PRKG1: variants seen among roughly 807,000 people sequenced by gnomAD.
PRKG1 encodes protein kinase cGMP-dependent 1, also known as cGMP-dependent protein kinase 1.
In PRKG1, 35 loss-of-function variants were observed where a neutral mutation model predicts 88.1. The observed-to-expected ratio is 0.40, with a 90% confidence interval of 0.30 to 0.53. The LOEUF is 0.53. PRKG1 is among the 20% of genes least tolerant of loss of function. The pLI is 0.59. For synonymous variants in PRKG1, 303 were observed against 292.5 expected (o/e 1.04, Z -0.37); for missense variants, 540 against 839.8 (o/e 0.64, Z 4.41).
rs779345501 is a variant in PRKG1 at position 51,074,784 on chromosome 10, C to A, written c.194C>A (p.Ala65Glu). Residue 65 changes from alanine to glutamate, a missense_variant, in exon 1 of 18, where the codon GCG becomes GAG. By Grantham distance (107) the Ala-to-Glu change is moderately radical (BLOSUM62 -1). Around this residue, in one of 5 missense-constraint regions of PRKG1, gnomAD observed 400 missense variants for 562.7 expected, o/e 0.71. Transcript: ENST00000373980. ...PATQQAQKQS[A>E]STLQGEPRTK... ...ACCCAGCAGGCGCAGAAGCAGAGCG[C>A]GAGCACCTTGCAGGGCGAGCCGCGC... 4.3e-6 allele frequency: 7 copies of A among 1,613,828 alleles called. No individual in the cohort carries two copies. In the Admixed American group the frequency reaches 1.2e-4, roughly 27 times the overall value.
chr10:51,266,672 T>C (rs184625105), intron 2 of PRKG1, among the ~76,000 whole-genome samples: 345 of 152,356 alleles, frequency 2.3e-3, no homozygotes, highest in Non-Finnish European at 2.2e-3. Flanking sequence ...ACGGGCTGTT[T>C]TTTATTAAAA....
At chr10:51,615,132 A>G (rs1038466211) in intron 3 of PRKG1, among the ~76,000 whole-genome samples, 1 of 151,042 alleles carries the variant, frequency 6.6e-6, no homozygotes, top group African/African-American at 2.4e-5. Flanking sequence ...TCCATCTTTG[A>G]ATATATTCAA....
chr10:51,348,798 C>T (rs1210143358), intron 2 of PRKG1, among the ~76,000 whole-genome samples: 2 of 152,176 alleles, frequency 1.3e-5, no homozygotes, highest in East Asian at 1.9e-4. Flanking sequence ...GTGAAGTGTA[C>T]TGCATCCATT....
At chr10:51,870,208 A>G (rs572477786) in intron 4 of PRKG1, among the ~76,000 whole-genome samples, 247 of 152,282 alleles carry the variant, frequency 1.6e-3, no homozygotes, top group African/African-American at 5.8e-3. Context: ...TACATTGTGC[A>G]TTGTTAGGAA....
intron 10 of PRKG1, among the ~76,000 whole-genome samples, chr10:52,269,312 G>C (rs933618405): frequency 6.6e-6 from 1 of 151,982 alleles, no homozygotes; most frequent in Non-Finnish European, 1.5e-5. Context: ...TTTATTTTGA[G>C]TTACTACTGA....
intron 1 of PRKG1, among the ~76,000 whole-genome samples, chr10:51,054,554 A>G (rs2660205): frequency 0.99 from 150,439 of 152,268 alleles, 74,323 homozygotes; most frequent in East Asian, 1. Context: ...TCCACATTAT[A>G]GTAATTGTTA....
chr10:51,117,858 A>G (rs1040897307), intron 1 of PRKG1, among the ~76,000 whole-genome samples: 4 of 152,214 alleles, frequency 2.6e-5, no homozygotes, highest in African/African-American at 9.6e-5. Context: ...ACATGATTGC[A>G]GTTCTATGTT....
chr10:51,508,782 T>C (rs1012439045), intron 3 of PRKG1, among the ~76,000 whole-genome samples: 1 of 152,210 alleles, frequency 6.6e-6, no homozygotes, highest in Non-Finnish European at 1.5e-5. Flanking sequence ...CAGATCTCTT[T>C]ACCCAAACTG....
At chr10:51,634,937 T>C (rs141848821) in intron 3 of PRKG1, among the ~76,000 whole-genome samples, 80 of 152,168 alleles carry the variant, frequency 5.3e-4, no homozygotes, top group African/African-American at 1.6e-3. Context: ...CAGGGCATAC[T>C]TGAGGGAGGT....
intron 12 of PRKG1, among the ~76,000 whole-genome samples, chr10:52,275,020 A>G (rs1231215794): frequency 2.6e-5 from 4 of 151,888 alleles, no homozygotes; most frequent in African/African-American, 9.7e-5. Context: ...CCCACTTTTC[A>G]TTGGATTATT....
chr10:51,207,668 T>C (rs1474904184), intron 2 of PRKG1, among the ~76,000 whole-genome samples: 1 of 152,138 alleles, frequency 6.6e-6, no homozygotes, highest in African/African-American at 2.4e-5. Flanking sequence ...CTACTTGTGA[T>C]GATCCAAACG....
In PRKG1 at chr10:51,153,634, C is replaced by T. The variant is rs115175554; in HGVS notation, c.478+304C>T. 4.1e-3 allele frequency among the ~76,000 whole-genome samples: 624 copies of T among 152,114 alleles called. 7 individuals are homozygous for T. The highest frequency in any genetic ancestry group is 0.014 in the African/African-American group (580 of 41,540). On this transcript the variant is annotated intron_variant, in intron 2 of 17. Transcript: ENST00000373980. Reference sequence around the variant, plus strand: ...TCATGCAGTCAGGTCACTGAGCAAACATACAAAGCTTCAGCAGAAGCTCAA... The same window carrying T: ...TCATGCAGTCAGGTCACTGAGCAAATATACAAAGCTTCAGCAGAAGCTCAA...
At chr10:52,024,623 T>C (rs1212196146) in intron 5 of PRKG1, among the ~76,000 whole-genome samples, 1 of 152,176 alleles carries the variant, frequency 6.6e-6, no homozygotes, top group Admixed American at 6.5e-5. Flanking sequence ...AATGATGGTT[T>C]CCAGCTTCAT....
chr10:51,158,071 T>C (rs1244911467), intron 2 of PRKG1, among the ~76,000 whole-genome samples: 1 of 151,948 alleles, frequency 6.6e-6, no homozygotes, highest in Non-Finnish European at 1.5e-5. Context: ...ATTATCATTG[T>C]CTGTACTCAT....
At chr10:52,108,157 CA>C (rs1229120837) in intron 7 of PRKG1, among the ~76,000 whole-genome samples, 1 of 152,156 alleles carries the variant, frequency 6.6e-6, no homozygotes, top group African/African-American at 2.4e-5. Flanking sequence ...GAGAGGAATA[CA>C]AATATTGACT....
intron 4 of PRKG1, among the ~76,000 whole-genome samples, chr10:51,818,416 CA>C (rs879690553): frequency 5.3e-5 from 8 of 150,442 alleles, no homozygotes; most frequent in Admixed American, 1.3e-4. Flanking sequence ...TGTTTGATTA[CA>C]AAAAAAAATC....
chr10:51,607,797 AGAG>A (rs1838806306), intron 3 of PRKG1, among the ~76,000 whole-genome samples: 1 of 152,258 alleles, frequency 6.6e-6, no homozygotes, highest in South Asian at 2.1e-4. Flanking sequence ...TCTTTCAATT[AGAG>A]GAGGAGTGTA....
At chr10:51,279,872 C>T (rs1175816373) in intron 2 of PRKG1, among the ~76,000 whole-genome samples, 1 of 152,178 alleles carries the variant, frequency 6.6e-6, no homozygotes, top group Non-Finnish European at 1.5e-5. Flanking sequence ...AGCCCATTTA[C>T]ATTTAAGTTT....
chr10:51,632,135 G>A (rs1189847232), intron 3 of PRKG1, among the ~76,000 whole-genome samples: 2 of 151,554 alleles, frequency 1.3e-5, no homozygotes, highest in South Asian at 2.1e-4. Context: ...ATCAGCAATC[G>A]TTAGTATTAA....
Sources: gnomAD v4.1 joint callset for allele counts (sites outside exome capture counted in the v4.1 genomes callset) on GRCh38, gnomAD v4.1.1 for gene constraint, gnomAD v4.1.1 regional missense constraint, MANE v1.5 for transcripts, NCBI Gene and HGNC (gene_info 2026-07-23, HGNC 2026-07-21) for gene names.